The following KCND2 variants were observed in gnomAD, a reference collection of about 807,000 sequenced individuals.
KCND2 encodes potassium voltage-gated channel subfamily D member 2, also known as A-type voltage-gated potassium channel KCND2.
A neutral mutation model predicts 54.4 loss-of-function variants in KCND2; 16 were observed. That is an observed-to-expected ratio of 0.29 (90% confidence interval 0.20 to 0.45). KCND2 has a LOEUF of 0.45. Among genes scored for constraint, KCND2 ranks in the 20% least tolerant of loss-of-function variants. The pLI, the probability that KCND2 is intolerant of heterozygous loss-of-function variation, is 1.00. For synonymous variants in KCND2, 317 were observed against 310.7 expected, an observed-to-expected ratio of 1.02 and a Z score of -0.21; for missense variants, 486 against 824.2, an observed-to-expected ratio of 0.59 and a Z score of 5.02.
intron 1 of KCND2, among the ~76,000 whole-genome samples, chr7:120,652,299 C>T (rs1404132145): frequency 6.6e-6 from 1 of 152,142 alleles, no homozygotes; most frequent in East Asian, 1.9e-4. Context: ...TGGTCTTGAT[C>T]TCCTGAATTC....
chr7:120,670,800 C>G lies in KCND2; in HGVS notation c.1116-62103C>G, dbSNP rs573763404. ...GCGTGGTGGCGGGTGCCTGTAGTCC[C>G]AGCTACTCGAGAGGCTGAGCCAGGA... On this transcript the variant is annotated intron_variant, in intron 1 of 5. Transcript: ENST00000331113. Among the ~76,000 whole-genome samples, 579 of 151,732 alleles carry G rather than the reference C, an allele frequency of 3.8e-3. 6 individuals are homozygous for G. Among genetic ancestry groups the G allele is most frequent in the African/African-American group, 0.014 (561 of 41,404 alleles).
chr7:120,747,438 A>G (rs1033722517), intron 5 of KCND2, among the ~76,000 whole-genome samples: 7 of 152,110 alleles, frequency 4.6e-5, no homozygotes, highest in Non-Finnish European at 1.0e-4. Context: ...TTTTTATAAT[A>G]CATTTAGTTT....
chr7:120,639,743 G>T (rs568468980), intron 1 of KCND2, among the ~76,000 whole-genome samples: 4 of 152,106 alleles, frequency 2.6e-5, no homozygotes, highest in African/African-American at 9.7e-5. Context: ...TGTCTGCCTT[G>T]TCGTGTTACG....
At chr7:120,378,279 T>C (rs192203185) in intron 1 of KCND2, among the ~76,000 whole-genome samples, 1 of 151,982 alleles carries the variant, frequency 6.6e-6, no homozygotes, top group South Asian at 2.1e-4. Context: ...AGATGACTTA[T>C]ACTAGCGGCA....
intron 1 of KCND2, among the ~76,000 whole-genome samples, chr7:120,693,009 C>A (rs531017789): frequency 6.6e-6 from 1 of 152,240 alleles, no homozygotes; most frequent in Admixed American, 6.5e-5. Flanking sequence ...CCTACTAAAA[C>A]AACTACTCAC....
chr7:120,601,870 A>G (rs1792817911), intron 1 of KCND2, among the ~76,000 whole-genome samples: 1 of 152,194 alleles, frequency 6.6e-6, no homozygotes, highest in Admixed American at 6.5e-5. Context: ...TCACCTAGCT[A>G]ATTTATAGGT....
intron 1 of KCND2, among the ~76,000 whole-genome samples, chr7:120,569,185 C>T (rs746342048): frequency 6.6e-6 from 1 of 152,106 alleles, no homozygotes; most frequent in African/African-American, 2.4e-5. Flanking sequence ...GTGACCACAT[C>T]ATATCTTCCA....
chr7:120,429,568 T>A (rs1307105401), intron 1 of KCND2, among the ~76,000 whole-genome samples: 1 of 152,066 alleles, frequency 6.6e-6, no homozygotes, highest in Non-Finnish European at 1.5e-5. Context: ...AACACCTGTG[T>A]TATTGTCTCG....
chr7:120,390,533 C>T (rs1473224224), intron 1 of KCND2, among the ~76,000 whole-genome samples: 1 of 151,920 alleles, frequency 6.6e-6, no homozygotes, highest in African/African-American at 2.4e-5. Context: ...AGCCAAATCA[C>T]ACAATTCTTG....
chr7:120,335,675 T>C (rs1037567442), intron 1 of KCND2, among the ~76,000 whole-genome samples: 2 of 151,794 alleles, frequency 1.3e-5, no homozygotes, highest in Non-Finnish European at 2.9e-5. Context: ...TTAGTAGAGA[T>C]GGGGTTTCAC....
intron 1 of KCND2, 30 bp from the exon 2 acceptor site, chr7:120,732,873 C>A (rs1792824558): frequency 6.3e-7 from 1 of 1,577,294 alleles, no homozygotes. Context: ...TGACTTAAAA[C>A]AATATATATA....
chr7:120,665,370 C>T (rs892688058), intron 1 of KCND2, among the ~76,000 whole-genome samples: 1 of 152,032 alleles, frequency 6.6e-6, no homozygotes. Context: ...TCTTAGGCAA[C>T]CTCTAAGCTT....
intron 1 of KCND2, among the ~76,000 whole-genome samples, chr7:120,322,010 A>C (rs989308591): frequency 6.6e-6 from 1 of 152,148 alleles, no homozygotes; most frequent in African/African-American, 2.4e-5. Flanking sequence ...TCTACAAAAA[A>C]TGATAAGGAT....
chr7:120,745,044 C>T lies in KCND2; in HGVS notation c.1468-736C>T, dbSNP rs142618422. On this transcript the variant is annotated intron_variant, in intron 4 of 5. Transcript: ENST00000331113. ...TGGGCTGGAAGTTAGGAAATAGTGACGGAAAAACCCCAAATGCATACAGAG... is the reference window on the plus strand; with the variant it reads ...TGGGCTGGAAGTTAGGAAATAGTGATGGAAAAACCCCAAATGCATACAGAG... 3.9e-5 allele frequency among the ~76,000 whole-genome samples: 6 copies of T among 152,046 alleles called. No individual in the cohort carries two copies. The East Asian group carries it at 7.7e-4, about 20-fold the overall frequency.
At chr7:120,668,372 C>T (rs192037886) in intron 1 of KCND2, among the ~76,000 whole-genome samples, 2 of 151,570 alleles carry the variant, frequency 1.3e-5, no homozygotes, top group East Asian at 3.9e-4. Flanking sequence ...CTCTTTTGCC[C>T]AAGTGAAGGC....
chr7:120,575,668 C>T (rs923311451), intron 1 of KCND2, among the ~76,000 whole-genome samples: 5 of 152,158 alleles, frequency 3.3e-5, no homozygotes, highest in African/African-American at 1.2e-4. Context: ...GTACACCTGG[C>T]TATATGATGC....
chr7:120,642,277 C>T (rs921079301), intron 1 of KCND2, among the ~76,000 whole-genome samples: 3 of 151,710 alleles, frequency 2.0e-5, no homozygotes, highest in Admixed American at 6.6e-5. Flanking sequence ...TGGCCGGGCC[C>T]GGTGGCTCAC....
At chr7:120,669,418 G>A (rs1031984630) in intron 1 of KCND2, among the ~76,000 whole-genome samples, 1 of 151,938 alleles carries the variant, frequency 6.6e-6, no homozygotes, top group Admixed American at 6.6e-5. Flanking sequence ...TAAATTGATA[G>A]AATCAGAAGA....
chr7:120,556,106 A>G (rs1041184719), intron 1 of KCND2, among the ~76,000 whole-genome samples: 5 of 152,186 alleles, frequency 3.3e-5, no homozygotes, highest in Non-Finnish European at 1.5e-5. Flanking sequence ...AAATGTTTCT[A>G]TGCCATCATC....
Sources: gnomAD v4.1 joint callset for allele counts (sites outside exome capture counted in the v4.1 genomes callset) on GRCh38, gnomAD v4.1.1 for gene constraint, MANE v1.5 for transcripts, NCBI Gene and HGNC (gene_info 2026-07-23, HGNC 2026-07-21) for gene names.